PLEKHM1: variants seen among roughly 807,000 people sequenced by gnomAD.
PLEKHM1 encodes pleckstrin homology domain-containing family M member 1.
In PLEKHM1, 28 loss-of-function variants were observed where a neutral mutation model predicts 94.3. That is an observed-to-expected ratio of 0.30 (90% CI 0.22 to 0.41). PLEKHM1 has a LOEUF of 0.41. Among genes scored for constraint, PLEKHM1 ranks in the 10% least tolerant of loss-of-function variants. The pLI, the probability that PLEKHM1 is intolerant of heterozygous loss-of-function variation, is 1.00. For missense variants in PLEKHM1, 907 were observed against 1,358.6 expected (o/e 0.67, Z 5.22); for synonymous variants, 424 against 581.2 (o/e 0.73, Z 3.89).
intron 4 of PLEKHM1, among the ~76,000 whole-genome samples, chr17:45,468,805 AG>A (rs1460141695): frequency 2.0e-5 from 3 of 152,102 alleles, no homozygotes. Flanking sequence ...CTGCGTGGAC[AG>A]GTGATTTGTG....
chr17:45,453,774 T>C lies in PLEKHM1; in HGVS notation c.2078A>G (p.Tyr693Cys), dbSNP rs1243868448. Residue 693 changes from tyrosine to cysteine, a missense_variant, in exon 7 of 12, where the codon TAC (tyrosine) becomes TGC (cysteine). By Grantham distance (194) the Tyr-to-Cys change is radical (BLOSUM62 -2). Around this residue, in one of 3 missense-constraint regions of PLEKHM1, gnomAD observed 477 missense variants for 601.5 expected, o/e 0.79. Transcript: ENST00000430334. The surrounding 1 kb of genome is among the most constrained non-coding windows in gnomAD (Gnocchi z 4.1). ...ATAGGGCATCCAGGTCCTGTCCATG[T>C]ACAAGTACAGCAGGGACTCCTTGAT... ...DAIKESLLYL[Y>C]MDRTWMPYIF... 6.2e-7 allele frequency: 1 copy of C among 1,613,830 alleles called. No individual in the cohort carries two copies. Among genetic ancestry groups the C allele is most frequent in the Non-Finnish European group, 8.5e-7 (1 of 1,179,856 alleles).
chr17:45,440,155 ACT>A lies in PLEKHM1; in HGVS notation c.2901+6_2901+7del. 2 of 1,612,574 alleles carry A rather than the reference ACT, an allele frequency of 1.2e-6. No individual in the cohort carries two copies. The highest frequency in any genetic ancestry group is 1.7e-6 in the Non-Finnish European group (2 of 1,178,674). ...GAGGTCTGGGCGGGGGAAGCATGACACTCTTACCTGTTGGAGGTCAGCAACAC... is the reference window on the plus strand; with the variant it reads ...GAGGTCTGGGCGGGGGAAGCATGACACTTACCTGTTGGAGGTCAGCAACAC... On this transcript the variant is annotated splice_donor_region_variant and intron_variant, in intron 10 of 11. Transcript: ENST00000430334.
intron 8 of PLEKHM1, among the ~76,000 whole-genome samples, chr17:45,447,265 A>C (rs2145189507): frequency 6.6e-6 from 1 of 151,124 alleles, no homozygotes; most frequent in East Asian, 2.0e-4. Context: ...AGCATCTCTC[A>C]CCTCCCCCAG....
At chr17:45,435,868 G>A (rs747249826), downstream of PLEKHM1, 84 of 435,474 alleles carry the variant, frequency 1.9e-4, no homozygotes, top group Middle Eastern at 2.0e-3. Flanking sequence ...CCCCCTGGCC[G>A]TGGCAGTGTT....
intron 8 of PLEKHM1, among the ~76,000 whole-genome samples, chr17:45,449,569 C>T (rs889163443): frequency 2.0e-5 from 3 of 151,988 alleles, no homozygotes; most frequent in African/African-American, 7.3e-5. Context: ...CACCAATCTA[C>T]CCAACCACCT....
Position 45,490,682 on chromosome 17 carries a change from C to A in PLEKHM1, c.-72G>T, listed in dbSNP as rs1203983918. 6.7e-6 allele frequency: 3 copies of A among 450,614 alleles called. No homozygotes were observed. Among genetic ancestry groups the A allele is most frequent in the African/African-American group, 6.1e-5 (3 of 49,146 alleles). 27.9% of individuals were successfully genotyped at this position (450,614 alleles called of 1,614,324 possible). On this transcript the variant is annotated 5_prime_UTR_variant, in exon 1 of 12. Coordinates refer to ENST00000430334, the MANE Select transcript of PLEKHM1 (RefSeq NM_014798.3). ...GGAGCGAGGAGCGAGGCGAGGGGCG[C>A]TCCCGGCCGCGGCAGCCCCTCAGCC...
At chr17:45,471,491 G>A (rs1473769120) in intron 4 of PLEKHM1, among the ~76,000 whole-genome samples, 1 of 151,868 alleles carries the variant, frequency 6.6e-6, no homozygotes, top group Non-Finnish European at 1.5e-5. Flanking sequence ...GGCTGGGCAT[G>A]GTGGCTCATG....
Position 45,458,403 on chromosome 17 carries a change from G to A in PLEKHM1, c.1345C>T (p.Arg449Trp), listed in dbSNP as rs753476369. Residue 449 changes from arginine (R) to tryptophan (W), a missense_variant, in exon 6 of 12, where the codon CGG becomes TGG. Arg to Trp is a moderately radical substitution (Grantham distance 101). Transcript: ENST00000430334. ...KSWISEDDFY[R>W]PSREQPLESA... ...TCCAGGGGTTGCTCCCGGGAAGGCC[G>A]GTAGAAGTCATCCTCTGAGATCCAG... 9.9e-6 allele frequency: 16 copies of A among 1,613,530 alleles called. No individual in the cohort carries two copies. Among genetic ancestry groups the A allele is most frequent in the South Asian group, 2.2e-5 (2 of 91,078 alleles).
At chr17:45,443,699 T>C (rs2050517755) in intron 9 of PLEKHM1, among the ~76,000 whole-genome samples, 1 of 152,118 alleles carries the variant, frequency 6.6e-6, no homozygotes, top group Non-Finnish European at 1.5e-5. Context: ...CCTGTGCAGG[T>C]ACCTGGCTCC....
intron 8 of PLEKHM1, among the ~76,000 whole-genome samples, chr17:45,450,137 C>A (rs866117143): frequency 9.9e-5 from 15 of 151,926 alleles, no homozygotes; most frequent in Admixed American, 7.9e-4. Flanking sequence ...GCTCATCCAC[C>A]TAGCCACCTG....
At chr17:45,446,182 C>T (rs71373571) in intron 8 of PLEKHM1, 5 of 202,866 alleles carry the variant, frequency 2.5e-5, no homozygotes, top group Admixed American at 5.3e-5. Context: ...ACCGGGACTC[C>T]GTGTGCAGCT....
Position 45,454,129 on chromosome 17 carries a change from C to T in PLEKHM1, c.1723G>A (p.Glu575Lys), listed in dbSNP as rs1283272382. ...TCACAGCGAAGCAGCGAGCAGTTCTCCACACAGGTGTGCTCCTCGTTGCTC... is the reference window on the plus strand; with the variant it reads ...TCACAGCGAAGCAGCGAGCAGTTCTTCACACAGGTGTGCTCCTCGTTGCTC... ...YLSNEEHTCV[E>K]NCSLLRCESV... is the part of the protein sequence containing the mutation. Residue 575 changes from glutamate (E) to lysine (K), a missense_variant, in exon 7 of 12, where the codon GAG (glutamate) becomes AAG (lysine). By Grantham distance (56) the Glu-to-Lys change is moderately conservative (BLOSUM62 1). Coordinates refer to ENST00000430334, the MANE Select transcript of PLEKHM1 (RefSeq NM_014798.3). 2 of 1,614,190 alleles carry T rather than the reference C, an allele frequency of 1.2e-6. No homozygotes were observed. Among genetic ancestry groups the T allele is most frequent in the South Asian group, 1.1e-5 (1 of 91,088 alleles).
downstream of PLEKHM1, among the ~76,000 whole-genome samples, chr17:45,434,696 C>T (rs1210835780): frequency 3.3e-5 from 5 of 152,072 alleles, no homozygotes; most frequent in East Asian, 1.9e-4. Context: ...CCAACCTCCT[C>T]GGCCTCCCAA....
Position 45,482,445 on chromosome 17 carries a change from C to G in PLEKHM1, c.40G>C (p.Ala14Pro), listed in dbSNP as rs1349242279. Residue 14 changes from alanine (A) to proline (P), a missense_variant, in exon 2 of 12, where the codon GCC becomes CCC. By Grantham distance (27) the Ala-to-Pro change is conservative. Coordinates refer to ENST00000430334, the MANE Select transcript of PLEKHM1 (RefSeq NM_014798.3). The stretch of plus-strand genomic sequence containing the variant: ...CTCCCTCACCCACCTACCGGGATGG[C>G]AGCCTGGGGGTCCAGTCCATTCTCC... ...VVENGLDPQA[A>P]IPVIKKKLVG... 1.7e-6 allele frequency: 2 copies of G among 1,184,724 alleles called. No homozygotes were observed. Among genetic ancestry groups the G allele is most frequent in the South Asian group, 1.2e-5 (1 of 80,718 alleles). 73.4% of individuals were successfully genotyped at this position (1,184,724 alleles called of 1,614,324 possible). A position where few individuals can be genotyped will look rare whatever the true frequency, so the allele number is the denominator to read the frequency against.
At chr17:45,460,540 C>T in intron 5 of PLEKHM1, 1 of 152,722 alleles carries the variant, frequency 6.5e-6, no homozygotes, top group Non-Finnish European at 1.5e-5. Flanking sequence ...CAGGCGTGAG[C>T]CACTGTGCCT....
chr17:45,435,426 T>C (rs932046811), downstream of PLEKHM1, among the ~76,000 whole-genome samples: 3 of 152,212 alleles, frequency 2.0e-5, no homozygotes, highest in African/African-American at 7.2e-5. Context: ...AAAAGTCATT[T>C]TGAGCCCTAA....
intron 8 of PLEKHM1, chr17:45,447,813 T>C (rs1170949078): frequency 1.3e-5 from 2 of 152,084 alleles, no homozygotes; most frequent in African/African-American, 4.8e-5. Context: ...TTTTTTTTTT[T>C]TGAGGTGGGG....
intron 8 of PLEKHM1, among the ~76,000 whole-genome samples, chr17:45,447,570 G>T (rs1243130826): frequency 6.6e-6 from 1 of 151,964 alleles, no homozygotes; most frequent in Non-Finnish European, 1.5e-5. Flanking sequence ...CCCACTCCTG[G>T]GCTGACATCC....
intron 8 of PLEKHM1, among the ~76,000 whole-genome samples, chr17:45,449,659 C>T (rs62065380): frequency 0.12 from 17,827 of 145,900 alleles, 1,471 homozygotes; most frequent in Middle Eastern, 0.21. Context: ...CCTAACCATC[C>T]ACCTAGCCAC....
Sources: gnomAD v4.1 joint callset for allele counts (sites outside exome capture counted in the v4.1 genomes callset) on GRCh38, gnomAD v4.1.1 for gene constraint, gnomAD v4.1.1 regional missense constraint, Gnocchi (gnomAD v3.1) non-coding constraint, MANE v1.5 for transcripts, NCBI Gene and HGNC (gene_info 2026-07-23, HGNC 2026-07-21) for gene names.